The following ZFPM1 variants were observed in gnomAD, a reference collection of about 807,000 sequenced individuals.
ZFPM1 encodes zinc finger protein ZFPM1.
A neutral mutation model predicts 46.3 loss-of-function variants in ZFPM1; 28 were observed. That is an observed-to-expected ratio of 0.60 (90% CI 0.45 to 0.83). ZFPM1 has a LOEUF of 0.83. Among genes scored for constraint, ZFPM1 ranks in the 40% least tolerant of loss-of-function variants. The pLI is 0.00. For missense variants in ZFPM1, 1,878 were observed against 1,432.4 expected, an observed-to-expected ratio of 1.31 and a Z score of -5.02; for synonymous variants, 957 against 675.9, an observed-to-expected ratio of 1.42 and a Z score of -6.45.
chr16:88,482,876 C>T (rs1452504631), intron 1 of ZFPM1, among the ~76,000 whole-genome samples: 1 of 152,204 alleles, frequency 6.6e-6, no homozygotes, highest in Non-Finnish European at 1.5e-5. Context: ...CGGGGATGGC[C>T]GAGCACCTCC....
At chr16:88,494,055 C>T (rs1039968299) in intron 3 of ZFPM1, among the ~76,000 whole-genome samples, 2 of 152,182 alleles carry the variant, frequency 1.3e-5, no homozygotes, top group African/African-American at 4.8e-5. Flanking sequence ...CGCAGGAAGC[C>T]TCCACGAGGA....
intron 2 of ZFPM1, among the ~76,000 whole-genome samples, chr16:88,488,548 AT>A (rs1267993846): frequency 1.8e-4 from 28 of 151,586 alleles, no homozygotes; most frequent in Admixed American, 7.2e-4. Context: ...TATCGCGGGT[AT>A]TAATAATCTG....
chr16:88,486,118 C>G, intron 2 of ZFPM1, 75 bp downstream of exon 2: 1 of 1,429,290 alleles, frequency 7.0e-7, no homozygotes, highest in Non-Finnish European at 9.6e-7. Context: ...GCCCTCAGAG[C>G]TCAGTGGTGT....
rs200897341 is a variant in ZFPM1 at position 88,528,186 on chromosome 16, C to T, written c.660C>T (p.Leu220=). Residue 220 remains leucine (L), a synonymous_variant, in exon 6 of 10, where the codon CTC becomes CTT. Transcript: ENST00000319555. ...CGGCCCCTGCACACGACCTCCAGCT[C>T]CTGCCCCAGCAGGCCGGGATGGCCT... is the stretch of plus-strand genomic sequence containing the variant. The part of the protein sequence containing the change: ...TCPAPAHDLQ[L]LPQQAGMASI... 1.6e-5 allele frequency: 25 copies of T among 1,610,426 alleles called. No individual in the cohort carries two copies. In the Admixed American group the frequency reaches 1.7e-4, roughly 11 times the overall value.
intron 1 of ZFPM1, among the ~76,000 whole-genome samples, chr16:88,463,278 G>GC (rs1907982445): frequency 6.6e-6 from 1 of 152,216 alleles, no homozygotes; most frequent in African/African-American, 2.4e-5. Context: ...GACATCCTCA[G>GC]CCCCCAGTGA....
Position 88,534,873 on chromosome 16 carries a change from A to C in ZFPM1, c.2915A>C (p.Asn972Thr). ...ACGCCGGCGCCGCTGCCCAACGGCA[A>C]CCACCGGTACTGCCGTCTTTGCAAC... ...KGTPAPLPNG[N>T]HRYCRLCNIK... Residue 972 changes from asparagine to threonine, a missense_variant, in exon 10 of 10, where the codon AAC becomes ACC. Asn to Thr is a moderately conservative substitution (Grantham distance 65). Coordinates refer to ENST00000319555, the MANE Select transcript of ZFPM1 (RefSeq NM_153813.3). The C allele has an allele frequency of 2.6e-6, 4 of 1,568,322 alleles. No individual in the cohort carries two copies. The highest frequency in any genetic ancestry group is 3.4e-6 in the Non-Finnish European group (4 of 1,162,720).
chr16:88,459,639 C>T (rs767621129), intron 1 of ZFPM1, among the ~76,000 whole-genome samples: 5 of 121,802 alleles, frequency 4.1e-5, no homozygotes, highest in African/African-American at 6.3e-5. Context: ...AGCAGCCTAA[C>T]GCCCACCCAT....
chr16:88,459,087 G>A (rs2142337093), intron 1 of ZFPM1, among the ~76,000 whole-genome samples: 1 of 152,314 alleles, frequency 6.6e-6, no homozygotes, highest in East Asian at 1.9e-4. Flanking sequence ...CGAGACTTGG[G>A]TGGCTCCTCT....
At chr16:88,532,386 C>A in intron 7 of ZFPM1, 151 bp downstream of exon 7, 1 of 944,278 alleles carries the variant, frequency 1.1e-6, no homozygotes, top group Non-Finnish European at 1.5e-6. Flanking sequence ...CCGCAGGGGC[C>A]CAGAGCAGGC....
intron 1 of ZFPM1, among the ~76,000 whole-genome samples, chr16:88,465,989 A>G (rs1267487293): frequency 1.3e-5 from 2 of 152,348 alleles, no homozygotes; most frequent in African/African-American, 4.8e-5. Flanking sequence ...AAGGCCACGC[A>G]GCTACGATGT....
At chr16:88,502,398 C>A (rs952963256) in intron 3 of ZFPM1, among the ~76,000 whole-genome samples, 1 of 152,140 alleles carries the variant, frequency 6.6e-6, no homozygotes, top group East Asian at 1.9e-4. Context: ...CCCACCTCTG[C>A]CCCATAGGCC....
chr16:88,496,244 G>A (rs1004298795), intron 3 of ZFPM1, among the ~76,000 whole-genome samples: 1 of 152,168 alleles, frequency 6.6e-6, no homozygotes, highest in South Asian at 2.1e-4. Flanking sequence ...GCAGAGGTGA[G>A]AGGCCCAGGA....
At chr16:88,500,113 G>A (rs968701714) in intron 3 of ZFPM1, among the ~76,000 whole-genome samples, 15 of 150,400 alleles carry the variant, frequency 1.0e-4, no homozygotes, top group African/African-American at 1.9e-4. Context: ...CCTCCCACCC[G>A]GCTTCCTGCC....
At chr16:88,498,068 G>A (rs912801289) in intron 3 of ZFPM1, among the ~76,000 whole-genome samples, 1 of 152,188 alleles carries the variant, frequency 6.6e-6, no homozygotes. Flanking sequence ...TTAGATTAAC[G>A]GCGGAGGAGG....
At position 88,533,390 on chromosome 16, in the gene ZFPM1, C is replaced by T. The variant is rs778526317; in HGVS notation, c.1432C>T (p.Pro478Ser). 283 of 1,523,160 alleles carry T rather than the reference C, an allele frequency of 1.9e-4. 7 individuals are homozygous for T. In the South Asian group the frequency reaches 3.4e-3, roughly 18 times the overall value. The allele number at this position is 1,523,160 out of a possible 1,614,324, so 94.4% of individuals were successfully genotyped here. A position where few individuals can be genotyped will look rare whatever the true frequency, so the allele number is the denominator to read the frequency against. Residue 478 changes from proline (P) to serine (S), a missense_variant, in exon 10 of 10, where the codon CCC becomes TCC. Physicochemically the swap from Pro to Ser is moderately conservative, Grantham distance 74 (BLOSUM62 -1). Coordinates refer to ENST00000319555, the MANE Select transcript of ZFPM1 (RefSeq NM_153813.3). The stretch of plus-strand genomic sequence containing the variant: ...GCCGGAGGCGGCCCCCATCCTGGGC[C>T]CCGGAGAGCCTGGGCCCCAGGCCCC... ...EEPEAAPILG[P>S]GEPGPQAPSR...
chr16:88,489,253 T>A, intron 3 of ZFPM1, 100 bp downstream of exon 3: 4 of 1,461,302 alleles, frequency 2.7e-6, no homozygotes, highest in Non-Finnish European at 3.6e-6. Context: ...GGTGTGCAGG[T>A]TGCTGGAGAC....
At chr16:88,524,311 C>T (rs1912143676) in intron 4 of ZFPM1, among the ~76,000 whole-genome samples, 1 of 152,196 alleles carries the variant, frequency 6.6e-6, no homozygotes, top group Non-Finnish European at 1.5e-5. Context: ...CACCTTTGTG[C>T]CAGGAATGTG....
intron 1 of ZFPM1, among the ~76,000 whole-genome samples, chr16:88,457,940 G>A (rs1175419093): frequency 6.6e-6 from 1 of 152,074 alleles, no homozygotes; most frequent in African/African-American, 2.4e-5. Flanking sequence ...CCCTTTCCTG[G>A]GCCTTAGGGA....
chr16:88,516,731 TC>T, intron 4 of ZFPM1: 1 of 395,724 alleles, frequency 2.5e-6, no homozygotes, highest in Non-Finnish European at 4.5e-6. Flanking sequence ...CCCCGACCCC[TC>T]CCTGAGGAGG....
Sources: allele counts gnomAD v4.1 joint callset (sites outside exome capture counted in the v4.1 genomes callset), GRCh38; gene constraint gnomAD v4.1.1; transcripts MANE v1.5; gene names NCBI Gene and HGNC (gene_info 2026-07-23, HGNC 2026-07-21).